The following GRIK2 variants were observed in gnomAD, a reference collection of about 807,000 sequenced individuals.
The protein encoded by GRIK2 is glutamate ionotropic receptor kainate type subunit 2, also known as glutamate receptor ionotropic, kainate 2.
Under a neutral mutation model 100.3 loss-of-function variants are expected in GRIK2, and 32 were observed. The ratio of observed to expected loss-of-function variants is 0.32; its 90% CI spans 0.24 to 0.43. GRIK2 has a LOEUF of 0.43. GRIK2 is among the 20% of genes least tolerant of loss of function. The pLI, the probability that GRIK2 is intolerant of heterozygous loss-of-function variation, is 1.00. For missense variants in GRIK2, 843 were observed against 1,114.9 expected (o/e 0.76, Z 3.47); for synonymous variants, 417 against 389.4 (o/e 1.07, Z -0.83).
intron 2 of GRIK2, among the ~76,000 whole-genome samples, chr6:101,520,621 A>G (rs1420254940): frequency 6.6e-6 from 1 of 152,096 alleles, no homozygotes; most frequent in African/African-American, 2.4e-5. Flanking sequence ...CTTCTTGTTT[A>G]TCTGGTATCC....
At chr6:101,845,049 C>CA (rs991408315) in intron 10 of GRIK2, among the ~76,000 whole-genome samples, 7 of 151,734 alleles carry the variant, frequency 4.6e-5, no homozygotes, top group African/African-American at 1.7e-4. Flanking sequence ...GACAGGGTCC[C>CA]ATTCTCTGTC....
intron 14 of GRIK2, among the ~76,000 whole-genome samples, chr6:102,010,343 C>T (rs1417123332): frequency 2.0e-5 from 3 of 148,748 alleles, no homozygotes; most frequent in Non-Finnish European, 4.5e-5. Context: ...TTCATCCCGC[C>T]CTCCTTTCCT....
intron 1 of GRIK2, among the ~76,000 whole-genome samples, chr6:101,398,172 A>G (rs933699468): frequency 2.6e-5 from 4 of 152,184 alleles, no homozygotes; most frequent in Non-Finnish European, 1.5e-5. Context: ...TCTTTAGGAA[A>G]AAGAATGTTC....
chr6:101,566,450 A>AT lies in GRIK2; in HGVS notation c.116-55495dup, dbSNP rs1777281454. 2.0e-5 allele frequency among the ~76,000 whole-genome samples: 3 copies of AT among 151,942 alleles called. No homozygotes were observed. The East Asian group carries it at 5.8e-4, about 29-fold the overall frequency. The stretch of plus-strand genomic sequence containing the variant: ...GTATGCAGACTTTCTCCTTTAAAAA[A>AT]TTTTCTCCTTTAACAAATTTTTAAA... On this transcript the variant is annotated intron_variant, in intron 2 of 16. Coordinates refer to ENST00000369134, the MANE Select transcript of GRIK2 (RefSeq NM_021956.5).
intron 7 of GRIK2, among the ~76,000 whole-genome samples, chr6:101,696,836 G>A (rs1314965505): frequency 2.0e-5 from 3 of 151,910 alleles, no homozygotes; most frequent in African/African-American, 4.8e-5. Context: ...AGTTGAGCAT[G>A]ATGAATTAGA....
chr6:101,690,073 C>T (rs552358316), intron 7 of GRIK2, among the ~76,000 whole-genome samples: 2 of 152,184 alleles, frequency 1.3e-5, no homozygotes, highest in Admixed American at 1.3e-4. Flanking sequence ...ATTGAGTTTA[C>T]AGCAATTTCA....
At chr6:101,935,755 A>C (rs1790575819) in intron 14 of GRIK2, among the ~76,000 whole-genome samples, 1 of 152,006 alleles carries the variant, frequency 6.6e-6, no homozygotes, top group African/African-American at 2.4e-5. Flanking sequence ...TTGTTGTGAA[A>C]AAAAGCGCTA....
intron 4 of GRIK2, among the ~76,000 whole-genome samples, chr6:101,669,074 A>G (rs959586359): frequency 2.0e-5 from 3 of 152,202 alleles, no homozygotes; most frequent in African/African-American, 7.2e-5. Context: ...CTACCAAAAT[A>G]TAAGGATAAT....
chr6:102,024,259 G>T (rs1045087816), intron 14 of GRIK2, among the ~76,000 whole-genome samples: 17 of 150,986 alleles, frequency 1.1e-4, no homozygotes, highest in Non-Finnish European at 1.8e-4. Context: ...GGCTGGAAAT[G>T]ACTTGTACTG....
At chr6:101,546,773 G>T (rs373158046) in intron 2 of GRIK2, among the ~76,000 whole-genome samples, 1 of 139,962 alleles carries the variant, frequency 7.1e-6, no homozygotes, top group African/African-American at 2.6e-5. Context: ...AAAAGAGCCA[G>T]TTTTATACAC....
At chr6:102,017,437 G>A (rs900189431) in intron 14 of GRIK2, among the ~76,000 whole-genome samples, 5 of 152,180 alleles carry the variant, frequency 3.3e-5, no homozygotes, top group African/African-American at 1.2e-4. Flanking sequence ...TGAGACTTGA[G>A]TGGGGACATA....
chr6:101,768,359 G>A (rs1022870198), intron 7 of GRIK2, among the ~76,000 whole-genome samples: 1 of 152,046 alleles, frequency 6.6e-6, no homozygotes, highest in Non-Finnish European at 1.5e-5. Flanking sequence ...GTCCCAACTG[G>A]TGTTTGACAT....
At chr6:101,974,809 T>A (rs894403565) in intron 14 of GRIK2, among the ~76,000 whole-genome samples, 6 of 151,922 alleles carry the variant, frequency 3.9e-5, no homozygotes, top group African/African-American at 1.4e-4. Context: ...GATTGATACA[T>A]AAAACTAACT....
intron 2 of GRIK2, among the ~76,000 whole-genome samples, chr6:101,537,436 G>T (rs1306326236): frequency 3.2e-5 from 3 of 94,842 alleles, no homozygotes; most frequent in East Asian, 2.4e-4. Context: ...GTTTGTGTGT[G>T]TGTGTTTGTG....
At chr6:101,471,031 C>A (rs1322678802) in intron 2 of GRIK2, among the ~76,000 whole-genome samples, 1 of 151,996 alleles carries the variant, frequency 6.6e-6, no homozygotes, top group Non-Finnish European at 1.5e-5. Context: ...TGTCATTATG[C>A]AAAATAATAA....
At chr6:101,940,237 G>A (rs548778132) in intron 14 of GRIK2, among the ~76,000 whole-genome samples, 9 of 152,180 alleles carry the variant, frequency 5.9e-5, no homozygotes, top group African/African-American at 2.2e-4. Context: ...ATCACTGTTT[G>A]TGGCTTTTGT....
intron 7 of GRIK2, among the ~76,000 whole-genome samples, chr6:101,715,010 A>C (rs1773965098): frequency 6.6e-6 from 1 of 151,852 alleles, no homozygotes; most frequent in South Asian, 2.1e-4. Flanking sequence ...ATATTATTTC[A>C]TATACAAACG....
intron 4 of GRIK2, among the ~76,000 whole-genome samples, chr6:101,654,244 C>A (rs543378977): frequency 1.3e-5 from 2 of 151,992 alleles, no homozygotes; most frequent in East Asian, 1.9e-4. Flanking sequence ...CTAGTAGTGA[C>A]CCCCTGGTAC....
intron 12 of GRIK2, among the ~76,000 whole-genome samples, chr6:101,895,038 TTACTA>T (rs200496010): frequency 0.02 from 3,053 of 151,832 alleles, 106 homozygotes; most frequent in African/African-American, 0.071. Context: ...GGAGAATAAA[TTACTA>T]TACCAAATTT....
Sources: allele counts gnomAD v4.1 joint callset (sites outside exome capture counted in the v4.1 genomes callset), GRCh38; gene constraint gnomAD v4.1.1; transcripts MANE v1.5; gene names NCBI Gene and HGNC (gene_info 2026-07-23, HGNC 2026-07-21).